The following RAB8A variants were observed in gnomAD, a reference collection of about 807,000 sequenced individuals.
RAB8A encodes RAB8A, member RAS oncogene family, also known as ras-related protein Rab-8A.
Under a neutral mutation model 29.2 loss-of-function variants are expected in RAB8A, and 5 were observed. The observed-to-expected ratio is 0.17, with a 90% CI of 0.09 to 0.36. The LOEUF is 0.36. RAB8A is among the 10% of genes least tolerant of loss of function. The pLI, the probability that RAB8A is intolerant of heterozygous loss-of-function variation, is 1.00. For missense variants in RAB8A, 171 were observed against 272.2 expected, an observed-to-expected ratio of 0.63 and a Z score of 2.62; for synonymous variants, 108 against 99.9, an observed-to-expected ratio of 1.08 and a Z score of -0.49.
At position 16,123,336 on chromosome 19, in the gene RAB8A, A is replaced by G. The variant is rs3786569; in HGVS notation, c.246+1526A>G. ...TAACATTGAAAATCCAGCCAGGCGC[A>G]GTGGCTGATGCCTGTAATCCCAGCA... On this transcript the variant is annotated intron_variant, in intron 3 of 7. Coordinates refer to ENST00000300935, the MANE Select transcript of RAB8A (RefSeq NM_005370.5). 4.1e-4 allele frequency among the ~76,000 whole-genome samples: 63 copies of G among 152,346 alleles called. No individual in the cohort carries two copies. The East Asian group carries it at 0.011, about 26-fold the overall frequency.
chr19:16,126,583 C>T (rs566801751), intron 4 of RAB8A: 7 of 152,392 alleles, frequency 4.6e-5, no homozygotes, highest in African/African-American at 1.7e-4. Context: ...GAAGGAGCTG[C>T]CTTTGGGTAT....
At chr19:16,118,506 G>A (rs1172304293) in intron 2 of RAB8A, among the ~76,000 whole-genome samples, 3 of 152,114 alleles carry the variant, frequency 2.0e-5, no homozygotes, top group Admixed American at 1.3e-4. Context: ...AGCATCATAG[G>A]CACAAAGCTG....
At chr19:16,121,621 T>C (rs2090875662) in intron 2 of RAB8A, 129 bp from the exon 3 acceptor site, 5 of 779,972 alleles carry the variant, frequency 6.4e-6, no homozygotes. Context: ...GGTGCTGCCT[T>C]AGCAGAAGAA....
rs1053627692 is a variant in RAB8A at position 16,127,699 on chromosome 19, TC to T, written c.414+174del. The T allele has an allele frequency of 5.3e-5, 32 of 608,290 alleles. No individual in the cohort carries two copies. Among genetic ancestry groups the T allele is most frequent in the Middle Eastern group, 4.4e-4 (1 of 2,296 alleles). The allele number at this position is 608,290 out of a possible 1,614,324, so 37.7% of individuals were successfully genotyped here. A position where few individuals can be genotyped will look rare whatever the true frequency, so the allele number is the denominator to read the frequency against. On this transcript the variant is annotated intron_variant, in intron 5 of 7. Coordinates refer to ENST00000300935, the MANE Select transcript of RAB8A (RefSeq NM_005370.5). This position sits in a 1 kb window ranked among gnomAD's most constrained non-coding sequence, Gnocchi z 4.8. Reference sequence around the variant, plus strand: ...CCCAGCCGGGGCTTCTTGGGTGCACTCTGCGGGCATCTCATCAAAACCTACC... The same window carrying T: ...CCCAGCCGGGGCTTCTTGGGTGCACTTGCGGGCATCTCATCAAAACCTACC...
chr19:16,121,546 T>C (rs1319242782), intron 2 of RAB8A, among the ~76,000 whole-genome samples: 5 of 150,982 alleles, frequency 3.3e-5, no homozygotes. Flanking sequence ...CCATCATGGC[T>C]CTGCCACATC....
At position 16,125,533 on chromosome 19, in the gene RAB8A, C is replaced by G; in HGVS notation, c.310C>G (p.Arg104Gly). ...KSFDNIRNWI[R>G]NIEEHASADV... is the part of the protein sequence containing the mutation. ...CTTCGACAACATCCGGAACTGGATT[C>G]GCAACATTGAGGAGGTGAGGCCCTC... Residue 104 changes from arginine to glycine, a missense_variant, in exon 4 of 8, where the codon CGC (arginine) becomes GGC (glycine). Coordinates refer to ENST00000300935, the MANE Select transcript of RAB8A (RefSeq NM_005370.5). The surrounding 1 kb of genome is among the most constrained non-coding windows in gnomAD (Gnocchi z 5.0). The G allele has an allele frequency of 1.2e-6, 2 of 1,613,726 alleles. No individual in the cohort carries two copies. Among genetic ancestry groups the G allele is most frequent in the Non-Finnish European group, 1.7e-6 (2 of 1,179,670 alleles).
At chr19:16,116,569 G>T (rs2090846572) in intron 1 of RAB8A, among the ~76,000 whole-genome samples, 1 of 152,162 alleles carries the variant, frequency 6.6e-6, no homozygotes, top group African/African-American at 2.4e-5. Flanking sequence ...TGGCACAGTG[G>T]CTCACGCCTG....
intron 6 of RAB8A, 126 bp downstream of exon 6, chr19:16,128,217 T>G: frequency 1.0e-6 from 1 of 994,074 alleles, no homozygotes; most frequent in Non-Finnish European, 1.5e-6. Flanking sequence ...GGGCTGCCAG[T>G]CAGTCCTCTG....
intron 6 of RAB8A, among the ~76,000 whole-genome samples, chr19:16,128,677 G>A (rs747118523): frequency 4.4e-4 from 67 of 152,126 alleles, no homozygotes; most frequent in Non-Finnish European, 8.4e-4. Flanking sequence ...CTCCCTCACC[G>A]GCTACAGCTG....
chr19:16,116,596 G>A (rs149806559), intron 1 of RAB8A, among the ~76,000 whole-genome samples: 42 of 152,270 alleles, frequency 2.8e-4, no homozygotes, highest in African/African-American at 8.4e-4. Context: ...CAGTACTTTG[G>A]GAGGCTGAGG....
chr19:16,128,669 C>G (rs191328963), intron 6 of RAB8A, among the ~76,000 whole-genome samples: 100 of 152,302 alleles, frequency 6.6e-4, no homozygotes, highest in African/African-American at 2.0e-3. Flanking sequence ...GGAAGGCCCT[C>G]CCTCACCGGC....
At chr19:16,114,802 G>C (rs1486417514) in intron 1 of RAB8A, among the ~76,000 whole-genome samples, 2 of 151,740 alleles carry the variant, frequency 1.3e-5, no homozygotes, top group Non-Finnish European at 2.9e-5. Flanking sequence ...CTGACCCTAA[G>C]ATCCCTCCCT....
In RAB8A at chr19:16,125,329, C is replaced by A; in HGVS notation, c.247-141C>A. The A allele has an allele frequency of 1.4e-6, 1 of 703,572 alleles. No individual in the cohort carries two copies. The highest frequency in any genetic ancestry group is 2.4e-6 in the Non-Finnish European group (1 of 408,482). 43.6% of individuals were successfully genotyped at this position (703,572 alleles called of 1,614,324 possible). On this transcript the variant is annotated intron_variant, in intron 3 of 7. Transcript: ENST00000300935. This position sits in a 1 kb window ranked among gnomAD's most constrained non-coding sequence, Gnocchi z 5.0. Reference sequence around the variant, plus strand: ...GAGGGGGCTGGCTTCCGGGGCTCCACAGAGGTGGGGAGGGCGGCAGCTAAT... The same window carrying A: ...GAGGGGGCTGGCTTCCGGGGCTCCAAAGAGGTGGGGAGGGCGGCAGCTAAT...
At chr19:16,126,094 C>T in intron 4 of RAB8A, 1 of 195,290 alleles carries the variant, frequency 5.1e-6, no homozygotes, top group South Asian at 9.6e-5. Flanking sequence ...GCCTTCCTGG[C>T]TGCCGGCACC....
Position 16,123,211 on chromosome 19 carries a change from A to G in RAB8A, c.246+1401A>G, listed in dbSNP as rs77572179. Among the ~76,000 whole-genome samples, 1,205 of 152,308 alleles carry G rather than the reference A, an allele frequency of 7.9e-3. 17 individuals carry two copies. The highest frequency in any genetic ancestry group is 0.028 in the African/African-American group (1,169 of 41,556). Reference sequence around the variant, plus strand: ...TTTGTCTCTAGCACCCACATCCTCAACCAGCACCAAGATGATCGTGGCTTT... The same window carrying G: ...TTTGTCTCTAGCACCCACATCCTCAGCCAGCACCAAGATGATCGTGGCTTT... On this transcript the variant is annotated intron_variant, in intron 3 of 7. Coordinates refer to ENST00000300935, the MANE Select transcript of RAB8A (RefSeq NM_005370.5).
At position 16,121,643 on chromosome 19, in the gene RAB8A, G is replaced by A. The variant is rs2090875744; in HGVS notation, c.186-107G>A. 2.4e-5 allele frequency: 23 copies of A among 962,492 alleles called. 1 individual carries two copies. The highest frequency in any genetic ancestry group is 8.3e-5 in the South Asian group (6 of 72,320). The allele number at this position is 962,492 out of a possible 1,614,324, so 59.6% of individuals were successfully genotyped here. On this transcript the variant is annotated intron_variant, in intron 2 of 7. Coordinates refer to ENST00000300935, the MANE Select transcript of RAB8A (RefSeq NM_005370.5). ...CCTTAGCAGAAGAAGGTATCACAGT[G>A]GCTGAACGGTGAGAAAGCCAGGCAT...
rs200560717 is a variant in RAB8A, at chr19:16,132,077, T to TTTGG, written c.532-110_532-107dup. The TTTGG allele has an allele frequency of 0.15, 98,298 of 673,810 alleles. 8,099 individuals carry two copies. The highest frequency in any genetic ancestry group is 0.17 in the Non-Finnish European group (65,790 of 383,962). 41.7% of individuals were successfully genotyped at this position (673,810 alleles called of 1,614,324 possible). On this transcript the variant is annotated intron_variant, in intron 7 of 7. Transcript: ENST00000300935. This position sits in a 1 kb window ranked among gnomAD's most constrained non-coding sequence, Gnocchi z 5.6. The stretch of plus-strand genomic sequence containing the variant: ...TTGGCTGGTTTGATTGGTTTGGTTG[T>TTTGG]TTGGTTGGTTGGTTGGTTGGTTGGT...
intron 7 of RAB8A, among the ~76,000 whole-genome samples, chr19:16,131,862 GGT>G (rs2090925952): frequency 7.2e-6 from 1 of 138,634 alleles, no homozygotes; most frequent in Non-Finnish European, 1.6e-5. Flanking sequence ...ATGGTTGGTT[GGT>G]TGGTTGGTTG....
chr19:16,118,102 C>A, intron 1 of RAB8A, 124 bp from the exon 2 acceptor site: 1 of 727,996 alleles, frequency 1.4e-6, no homozygotes, highest in Non-Finnish European at 2.3e-6. Flanking sequence ...CCTGCATGCC[C>A]AGCACCAGGC....
Sources: gnomAD v4.1 joint callset for allele counts (sites outside exome capture counted in the v4.1 genomes callset) on GRCh38, gnomAD v4.1.1 for gene constraint, Gnocchi (gnomAD v3.1) non-coding constraint, MANE v1.5 for transcripts, NCBI Gene and HGNC (gene_info 2026-07-23, HGNC 2026-07-21) for gene names.